GGT1: variants seen among roughly 807,000 people sequenced by gnomAD.
The protein encoded by GGT1 is gamma-glutamyltransferase 1, also known as glutathione hydrolase 1 proenzyme.
In GGT1, 21 loss-of-function variants were observed where a neutral mutation model predicts 56.0. That is an observed-to-expected ratio of 0.38 (90% confidence interval 0.27 to 0.54). GGT1 has a LOEUF of 0.54. Among genes scored for constraint, GGT1 ranks in the 20% least tolerant of loss-of-function variants. The pLI is 0.82. For missense variants in GGT1, 466 were observed against 787.0 expected (o/e 0.59, Z 4.88); for synonymous variants, 238 against 342.6 (o/e 0.69, Z 3.37).
At chr22:24,587,080 G>A in the GGT1 span, among the ~76,000 whole-genome samples, 1 of 152,296 alleles carries the variant, frequency 6.6e-6, no homozygotes, top group African/African-American at 2.4e-5. Context: ...GGGGAACCAG[G>A]TCCTCAAACT....
intron 1 of GGT1, among the ~76,000 whole-genome samples, chr22:24,597,360 G>A (rs2147191346): frequency 6.6e-6 from 1 of 152,274 alleles, no homozygotes; most frequent in African/African-American, 2.4e-5. Flanking sequence ...ATAAGGTCGT[G>A]TGAGGAAAAA....
chr22:24,594,731 T>C (rs1201844628), upstream of GGT1: 3 of 152,284 alleles, frequency 2.0e-5, no homozygotes, highest in Non-Finnish European at 4.4e-5. Context: ...ACAGGTTTCC[T>C]CCCTGGCAAA....
chr22:24,602,793 T>C (rs1237860710), upstream of GGT1, among the ~76,000 whole-genome samples: 4 of 152,086 alleles, frequency 2.6e-5, no homozygotes, highest in African/African-American at 9.7e-5. Flanking sequence ...GCCCTGGGGT[T>C]GTAGAGGTGA....
chr22:24,586,417 G>A, the GGT1 span: 1 of 1,604,780 alleles, frequency 6.2e-7, no homozygotes, highest in Admixed American at 1.7e-5. Context: ...TGAGGCTATG[G>A]GAGAGTGGCA....
At chr22:24,589,430 T>C in the GGT1 span, 1 of 967,550 alleles carries the variant, frequency 1.0e-6, no homozygotes, top group South Asian at 2.7e-5. Context: ...AGAGCGGCTC[T>C]CTTCTGGCCC....
chr22:24,615,078 C>G lies in GGT1; in HGVS notation c.333C>G (p.Pro111=), dbSNP rs768022411. Residue 111 remains proline (P), a synonymous_variant, in exon 7 of 16, where the codon CCC becomes CCG. Transcript: ENST00000400382. ...AEVINAREVA[P]RLAFATMFNS... is the part of the protein sequence containing the mutation. ...TCATCAACGCCCGCGAGGTGGCCCC[C>G]AGGCTGGCCTTTGCCACCATGTTCA... 7.8e-5 allele frequency: 125 copies of G among 1,612,078 alleles called. No homozygotes were observed. Among genetic ancestry groups the G allele is most frequent in the Non-Finnish European group, 9.9e-5 (117 of 1,179,790 alleles).
At chr22:24,621,177 T>G in intron 9 of GGT1, 107 bp downstream of exon 9, 15 of 1,478,998 alleles carry the variant, frequency 1.0e-5, no homozygotes, top group Non-Finnish European at 1.3e-5. Context: ...CTGCAGGAAG[T>G]TCCTGGTGGA....
At position 24,620,762 on chromosome 22, in the gene GGT1, C is replaced by T. The variant is rs1249934190; in HGVS notation, c.576-151C>T. 4.1e-6 allele frequency: 6 copies of T among 1,457,690 alleles called. No homozygotes were observed. The highest frequency in any genetic ancestry group is 1.4e-5 in the African/African-American group (1 of 70,064). 90.3% of individuals were successfully genotyped at this position (1,457,690 alleles called of 1,614,324 possible). A position where few individuals can be genotyped will look rare whatever the true frequency, so the allele number is the denominator to read the frequency against. ...GACACTAGGAAGCTCCCGGAAGGGA[C>T]ACTAGGAAGACGAGCGCTGAGTGAC... On this transcript the variant is annotated intron_variant, in intron 8 of 15. Coordinates refer to ENST00000400382, the MANE Select transcript of GGT1 (RefSeq NM_001288833.2). This position sits in a 1 kb window ranked among gnomAD's most constrained non-coding sequence, Gnocchi z 5.6.
At chr22:24,595,090 G>A (rs1435401133) in intron 1 of GGT1, among the ~76,000 whole-genome samples, 4 of 152,194 alleles carry the variant, frequency 2.6e-5, no homozygotes, top group African/African-American at 9.7e-5. Context: ...CTAGGCAGCG[G>A]TATGGGGGAG....
the GGT1 span, chr22:24,585,770 C>T: frequency 9.1e-7 from 1 of 1,104,966 alleles, no homozygotes; most frequent in African/African-American, 1.6e-5. Context: ...TAATCTCAGG[C>T]TGAGCATTTA....
intron 2 of GGT1, among the ~76,000 whole-genome samples, chr22:24,608,833 T>C (rs2046481890): frequency 6.6e-6 from 1 of 152,144 alleles, no homozygotes; most frequent in Admixed American, 6.5e-5. Flanking sequence ...ATTTTTTGTA[T>C]TTTTAGTGGA....
At chr22:24,593,909 G>T (rs1396198986), upstream of GGT1, among the ~76,000 whole-genome samples, 1 of 152,216 alleles carries the variant, frequency 6.6e-6, no homozygotes, top group East Asian at 1.9e-4. Context: ...TCTTGGTTTG[G>T]GGCAGGCCCC....
chr22:24,595,250 T>A (rs1446520225), intron 1 of GGT1, among the ~76,000 whole-genome samples: 1 of 152,168 alleles, frequency 6.6e-6, no homozygotes, highest in Non-Finnish European at 1.5e-5. Context: ...GATCCTTGGA[T>A]GGGCTTTTCT....
chr22:24,604,984 C>T (rs2045941432), intron 1 of GGT1, among the ~76,000 whole-genome samples: 1 of 124,746 alleles, frequency 8.0e-6, no homozygotes, highest in Non-Finnish European at 1.6e-5. Context: ...CCCACTCAGA[C>T]TTTCTTTCTG....
chr22:24,588,539 A>G, the GGT1 span: 1 of 766,932 alleles, frequency 1.3e-6, no homozygotes, highest in Non-Finnish European at 2.0e-6. Context: ...TGGGAGCTGG[A>G]CAGGCTGGTC....
chr22:24,586,033 C>T, the GGT1 span: 31 of 1,611,060 alleles, frequency 1.9e-5, no homozygotes, highest in East Asian at 4.5e-5. Flanking sequence ...TGCGCTGGCT[C>T]AGCCGCCGGC....
rs1344376043 is a variant in GGT1 at position 24,610,550 on chromosome 22, G to A, written c.-8+19G>A. 4 of 164,554 alleles carry A rather than the reference G, an allele frequency of 2.4e-5. No individual in the cohort carries two copies. The South Asian group carries it at 4.7e-4, about 19-fold the overall frequency. The allele number at this position is 164,554 out of a possible 1,614,324, so 10.2% of individuals were successfully genotyped here. ...CTGGACGGTAAGTCCTGGCCCCGTG[G>A]CAGTGAATCTGTGGGGCGCTCTGAT... On this transcript the variant is annotated intron_variant, in intron 4 of 15. Coordinates refer to ENST00000400382, the MANE Select transcript of GGT1 (RefSeq NM_001288833.2).
At chr22:24,588,899 A>G in the GGT1 span, 1 of 1,002,904 alleles carries the variant, frequency 1.0e-6, no homozygotes, top group Non-Finnish European at 1.2e-6. Context: ...GGGCTCCGGC[A>G]GAGGCCCAGC....
upstream of GGT1, among the ~76,000 whole-genome samples, chr22:24,591,997 G>T (rs874852): frequency 6.6e-6 from 1 of 152,020 alleles, no homozygotes; most frequent in Non-Finnish European, 1.5e-5. Context: ...GGGCCCTGGG[G>T]TGACCACTTC....
Sources: allele counts gnomAD v4.1 joint callset (sites outside exome capture counted in the v4.1 genomes callset), GRCh38; gene constraint gnomAD v4.1.1; non-coding constraint Gnocchi (gnomAD v3.1); transcripts MANE v1.5; gene names NCBI Gene and HGNC (gene_info 2026-07-23, HGNC 2026-07-21).